COBLL1: variants seen among roughly 807,000 people sequenced by gnomAD.
The protein encoded by COBLL1 is cordon-bleu protein-like 1.
In COBLL1, 50 loss-of-function variants were observed where a neutral mutation model predicts 94.8. The ratio of observed to expected loss-of-function variants is 0.53; its 90% CI spans 0.42 to 0.67. The LOEUF (loss-of-function observed/expected upper bound fraction) is 0.67, where lower values mean the gene tolerates loss of function less well. Ranked by LOEUF, COBLL1 falls within the 30% of genes least tolerant of loss-of-function variation. The pLI, the probability that COBLL1 is intolerant of heterozygous loss-of-function variation, is 0.00. For synonymous variants in COBLL1, 448 were observed against 473.8 expected (o/e 0.95, Z 0.71); for missense variants, 1,362 against 1,348.7 (o/e 1.01, Z -0.15).
At chr2:164,837,403 T>G in intron 2 of COBLL1, 1 of 444,854 alleles carries the variant, frequency 2.2e-6, no homozygotes, top group Non-Finnish European at 4.6e-6. Context: ...ACTAATTGGA[T>G]ATCCACGTTA....
chr2:164,792,383 C>G (rs1683235973), intron 2 of COBLL1, among the ~76,000 whole-genome samples: 1 of 152,146 alleles, frequency 6.6e-6, no homozygotes, highest in Admixed American at 6.5e-5. Context: ...CCTGCCTCGG[C>G]CTTCCAAAGT....
At chr2:164,744,439 C>T (rs1686756168) in intron 2 of COBLL1, among the ~76,000 whole-genome samples, 2 of 152,220 alleles carry the variant, frequency 1.3e-5, no homozygotes, top group South Asian at 2.1e-4. Context: ...TAGCACATAC[C>T]AATTCCATAG....
At chr2:164,782,427 T>C (rs1688761293) in intron 2 of COBLL1, among the ~76,000 whole-genome samples, 1 of 152,114 alleles carries the variant, frequency 6.6e-6, no homozygotes, top group Non-Finnish European at 1.5e-5. Flanking sequence ...GCAAGAAAGA[T>C]CAAACCAGTT....
chr2:164,818,235 T>C (rs1177949555), intron 2 of COBLL1, among the ~76,000 whole-genome samples: 1 of 150,986 alleles, frequency 6.6e-6, no homozygotes, highest in Non-Finnish European at 1.5e-5. Flanking sequence ...TACATATGCA[T>C]GTATGTATAC....
At chr2:164,704,908 C>G (rs763259673) in intron 8 of COBLL1, 44 bp downstream of exon 8, 1 of 1,498,482 alleles carries the variant, frequency 6.7e-7, no homozygotes, top group South Asian at 1.4e-5. Flanking sequence ...CCATATTAAA[C>G]AAAACACAAT....
At chr2:164,705,347 A>G (rs985100220) in intron 7 of COBLL1, 139 of 337,010 alleles carry the variant, frequency 4.1e-4, no homozygotes, top group Non-Finnish European at 8.5e-5. Context: ...TGCCACACAA[A>G]CAACTAACTG....
rs79020004 is a variant in COBLL1 at position 164,670,665 on chromosome 2, T to C, written n.127-4764A>G. ...AATTCAAGTTAAAATCCAACATCAG[T>C]TTTAAGTTGGGATGAGAAGGCCTCC... On this transcript the variant is annotated intron_variant and non_coding_transcript_variant, in intron 1 of 2. Coordinates refer to the COBLL1 transcript ENST00000495084. 8.6e-3 allele frequency among the ~76,000 whole-genome samples: 1,308 copies of C among 152,090 alleles called. 10 individuals are homozygous for C. Among genetic ancestry groups the C allele is most frequent in the African/African-American group, 0.022 (923 of 41,474 alleles).
chr2:164,724,225 G>C (rs985812083), intron 5 of COBLL1: 3 of 152,164 alleles, frequency 2.0e-5, no homozygotes, highest in Non-Finnish European at 2.9e-5. Context: ...CTAAGATGTA[G>C]ACAAAGATCA....
intron 2 of COBLL1, among the ~76,000 whole-genome samples, chr2:164,805,363 A>ATATATATATATATAT (rs1553480466): frequency 2.5e-4 from 29 of 115,860 alleles, no homozygotes; most frequent in African/African-American, 4.1e-4. Flanking sequence ...ATATATATAT[A>ATATATATATATATAT]AAACTAAAGT....
At chr2:164,772,236 T>C (rs970248632) in intron 2 of COBLL1, among the ~76,000 whole-genome samples, 1 of 140,894 alleles carries the variant, frequency 7.1e-6, no homozygotes, top group African/African-American at 2.8e-5. Context: ...TTGCAGTTTG[T>C]GCTGTTCTGG....
At chr2:164,721,641 G>T (rs1290570524) in intron 7 of COBLL1, among the ~76,000 whole-genome samples, 2 of 152,138 alleles carry the variant, frequency 1.3e-5, no homozygotes, top group Non-Finnish European at 2.9e-5. Flanking sequence ...TCTGAGTCAG[G>T]TCAAGAAAAT....
At chr2:164,692,639 C>T (rs976662804) in intron 12 of COBLL1, 1 of 350,940 alleles carries the variant, frequency 2.8e-6, no homozygotes, top group Non-Finnish European at 5.1e-6. Context: ...CCACTCTTTG[C>T]TTCATAAATA....
intron 13 of COBLL1, chr2:164,687,695 A>G: frequency 1.4e-6 from 1 of 711,858 alleles, no homozygotes; most frequent in Non-Finnish European, 2.5e-6. Context: ...GGCTGCATAC[A>G]CCACCAAGGA....
At chr2:164,699,548 C>CACAT in intron 10 of COBLL1, 49 bp from the exon 11 acceptor site, 2 of 993,538 alleles carry the variant, frequency 2.0e-6, no homozygotes, top group East Asian at 2.4e-5. Context: ...TTGAAACACA[C>CACAT]ACATACACAC....
chr2:164,739,163 C>A (rs1321925926), intron 3 of COBLL1, among the ~76,000 whole-genome samples: 2 of 152,048 alleles, frequency 1.3e-5, no homozygotes, highest in Non-Finnish European at 2.9e-5. Flanking sequence ...AAAGAGATGG[C>A]ATCACTAAGT....
intron 2 of COBLL1, among the ~76,000 whole-genome samples, chr2:164,839,903 T>C (rs1210166877): frequency 6.6e-6 from 1 of 152,238 alleles, no homozygotes; most frequent in African/African-American, 2.4e-5. Context: ...GAGTAATATT[T>C]GCAGAAAGGA....
chr2:164,689,343 C>A (rs1683473220), intron 13 of COBLL1, among the ~76,000 whole-genome samples: 1 of 152,068 alleles, frequency 6.6e-6, no homozygotes, highest in African/African-American at 2.4e-5. Context: ...TAGAGAAACA[C>A]AGAGCCAACT....
intron 3 of COBLL1, among the ~76,000 whole-genome samples, chr2:164,731,205 AT>A (rs1300164608): frequency 6.6e-6 from 1 of 152,202 alleles, no homozygotes; most frequent in Non-Finnish European, 1.5e-5. Context: ...AAAGCCTACT[AT>A]TTTTATTTCC....
At chr2:164,782,386 G>A (rs1276703707) in intron 2 of COBLL1, among the ~76,000 whole-genome samples, 6 of 152,008 alleles carry the variant, frequency 3.9e-5, no homozygotes, top group Admixed American at 1.3e-4. Context: ...CTAACAAACC[G>A]AATAGAAAAG....
Sources: allele counts gnomAD v4.1 joint callset (sites outside exome capture counted in the v4.1 genomes callset), GRCh38; gene constraint gnomAD v4.1.1; transcripts MANE v1.5; gene names NCBI Gene and HGNC (gene_info 2026-07-23, HGNC 2026-07-21).